Variants in HCN1 observed in about 807,000 individuals in gnomAD.
The protein encoded by HCN1 is hyperpolarization activated cyclic nucleotide gated potassium channel 1, also known as potassium/sodium hyperpolarization-activated cyclic nucleotide-gated channel 1.
Under a neutral mutation model 78.9 loss-of-function variants are expected in HCN1, and 13 were observed. The ratio of observed to expected loss-of-function variants is 0.16; its 90% CI spans 0.11 to 0.26. The LOEUF (loss-of-function observed/expected upper bound fraction) is 0.26. Among genes scored for constraint, HCN1 ranks in the 10% least tolerant of loss-of-function variants. HCN1 has a pLI of 1.00. For synonymous variants in HCN1, 552 were observed against 455.5 expected, an observed-to-expected ratio of 1.21 and a Z score of -2.70; for missense variants, 810 against 1,154.3, an observed-to-expected ratio of 0.70 and a Z score of 4.32.
intron 5 of HCN1, among the ~76,000 whole-genome samples, chr5:45,349,192 TC>T (rs1746828402): frequency 6.6e-6 from 1 of 152,094 alleles, no homozygotes; most frequent in Non-Finnish European, 1.5e-5. Flanking sequence ...CACAGTGCAA[TC>T]AAACTAGAAC....
chr5:45,660,167 G>C (rs1266915190), intron 1 of HCN1, among the ~76,000 whole-genome samples: 4 of 122,706 alleles, frequency 3.3e-5, no homozygotes, highest in Admixed American at 8.2e-5. Flanking sequence ...TTAAAGAAAA[G>C]AATTTTCAAC....
chr5:45,458,690 A>G (rs1483366533), intron 3 of HCN1, among the ~76,000 whole-genome samples: 2 of 152,122 alleles, frequency 1.3e-5, no homozygotes, highest in Non-Finnish European at 2.9e-5. Flanking sequence ...ACAGAGTCAG[A>G]TATATAAGCA....
At chr5:45,327,712 C>G (rs771096429) in intron 5 of HCN1, among the ~76,000 whole-genome samples, 1 of 151,478 alleles carries the variant, frequency 6.6e-6, no homozygotes, top group Admixed American at 6.6e-5. Context: ...AATTAATTAA[C>G]TAGGGTGGGC....
intron 4 of HCN1, among the ~76,000 whole-genome samples, chr5:45,353,673 T>C (rs78112135): frequency 0.01 from 1,548 of 152,138 alleles, 11 homozygotes; most frequent in Non-Finnish European, 0.017. Context: ...CTTAGGCTTT[T>C]TGGCAAAAGA....
intron 2 of HCN1, among the ~76,000 whole-genome samples, chr5:45,572,031 G>A (rs973051179): frequency 1.3e-5 from 2 of 152,124 alleles, no homozygotes; most frequent in Admixed American, 6.6e-5. Flanking sequence ...TGTGGTGTTA[G>A]ATCCAATCAT....
intron 4 of HCN1, among the ~76,000 whole-genome samples, chr5:45,377,623 G>A (rs142610191): frequency 0.012 from 1,748 of 151,946 alleles, 23 homozygotes; most frequent in Middle Eastern, 0.024. Flanking sequence ...GGCAAGAAAT[G>A]CAAACACTCC....
intron 2 of HCN1, among the ~76,000 whole-genome samples, chr5:45,534,233 C>T (rs953121884): frequency 2.0e-5 from 3 of 150,308 alleles, no homozygotes; most frequent in Non-Finnish European, 4.4e-5. Flanking sequence ...CCCGTCTCTA[C>T]AAAAAATACA....
At chr5:45,330,674 G>T (rs546168335) in intron 5 of HCN1, among the ~76,000 whole-genome samples, 1 of 150,944 alleles carries the variant, frequency 6.6e-6, no homozygotes, top group East Asian at 2.0e-4. Flanking sequence ...TTCTTTTTCA[G>T]TGAGATAGCT....
Position 45,695,708 on chromosome 5 carries a change from G to A in HCN1, c.386C>T (p.Thr129Ile). 6.2e-7 allele frequency: 1 copy of A among 1,612,584 alleles called. No homozygotes were observed. The part of the protein sequence containing the change: ...AVEKEQERVK[T>I]AGFWIIHPYS... The stretch of plus-strand genomic sequence containing the variant: ...AGGGTGGATAATCCAGAAGCCTGCA[G>A]TTTTAACCCTTTCCTGCTCCTTTTC... Residue 129 changes from threonine to isoleucine, a missense_variant, in exon 1 of 8, where the codon ACT becomes ATT. Thr to Ile is a moderately conservative substitution (Grantham distance 89). Transcript: ENST00000303230.
chr5:45,377,825 C>T (rs943969712), intron 4 of HCN1, among the ~76,000 whole-genome samples: 1 of 151,798 alleles, frequency 6.6e-6, no homozygotes, highest in Admixed American at 6.6e-5. Flanking sequence ...AAGAAAGCCT[C>T]CCAAGAGGGC....
chr5:45,281,579 CTTTTTTT>C (rs751307473), intron 6 of HCN1, among the ~76,000 whole-genome samples: 7 of 81,676 alleles, frequency 8.6e-5, no homozygotes, highest in East Asian at 3.3e-4. Flanking sequence ...CTCTTCTCTT[CTTTTTTT>C]TTTTTTTTTT....
chr5:45,374,509 A>G (rs1747556895), intron 4 of HCN1, among the ~76,000 whole-genome samples: 1 of 149,832 alleles, frequency 6.7e-6, no homozygotes, highest in Non-Finnish European at 1.5e-5. Context: ...CAGTAATAAA[A>G]TCCTGCCAAC....
chr5:45,552,322 C>T (rs1016266968), intron 2 of HCN1, among the ~76,000 whole-genome samples: 4 of 151,796 alleles, frequency 2.6e-5, no homozygotes, highest in African/African-American at 2.4e-5. Flanking sequence ...ACATAGTATA[C>T]CTTAAAAAAC....
chr5:45,265,044 G>C (rs1455930434), intron 7 of HCN1, among the ~76,000 whole-genome samples: 1 of 151,972 alleles, frequency 6.6e-6, no homozygotes, highest in African/African-American at 2.4e-5. Context: ...CAAAATATTA[G>C]CAGGGCGTGG....
At chr5:45,694,927 G>A (rs1215272446) in intron 1 of HCN1, 1 of 152,184 alleles carries the variant, frequency 6.6e-6, no homozygotes, top group South Asian at 2.1e-4. Flanking sequence ...TTGCAGTCAA[G>A]GTCAAGAAAG....
At chr5:45,469,976 T>A (rs1741356046) in intron 2 of HCN1, among the ~76,000 whole-genome samples, 1 of 152,112 alleles carries the variant, frequency 6.6e-6, no homozygotes, top group African/African-American at 2.4e-5. Context: ...CCATTTTAAG[T>A]CTAAAAAGGC....
chr5:45,272,739 T>A (rs1744983366), intron 6 of HCN1, among the ~76,000 whole-genome samples: 1 of 152,128 alleles, frequency 6.6e-6, no homozygotes, highest in Non-Finnish European at 1.5e-5. Flanking sequence ...GAAAACTATC[T>A]GGAAGATTTG....
At chr5:45,351,343 A>T (rs1392173233) in intron 5 of HCN1, among the ~76,000 whole-genome samples, 1 of 133,132 alleles carries the variant, frequency 7.5e-6, no homozygotes, top group Non-Finnish European at 1.5e-5. Flanking sequence ...CTGAAACTGG[A>T]TCCCTTTCTT....
intron 2 of HCN1, among the ~76,000 whole-genome samples, chr5:45,513,169 C>T (rs1742449713): frequency 6.6e-6 from 1 of 151,736 alleles, no homozygotes; most frequent in South Asian, 2.1e-4. Context: ...ATAAATACAT[C>T]GAGAAAGTAA....
Sources: gnomAD v4.1 joint callset for allele counts (sites outside exome capture counted in the v4.1 genomes callset) on GRCh38, gnomAD v4.1.1 for gene constraint, MANE v1.5 for transcripts, NCBI Gene and HGNC (gene_info 2026-07-23, HGNC 2026-07-21) for gene names.